The following CAPZB variants were observed in gnomAD, a reference collection of about 807,000 sequenced individuals.
CAPZB encodes the protein capping actin protein of muscle Z-line subunit beta.
Under a neutral mutation model 38.1 loss-of-function variants are expected in CAPZB, and 2 were observed. The ratio of observed to expected loss-of-function variants is 0.05; its 90% CI spans 0.02 to 0.17. The LOEUF is 0.17. CAPZB is among the 10% of genes least tolerant of loss of function. The pLI, the probability that CAPZB is intolerant of heterozygous loss-of-function variation, is 1.00. For synonymous variants in CAPZB, 107 were observed against 127.4 expected (o/e 0.84, Z 1.08); for missense variants, 161 against 334.2 (o/e 0.48, Z 4.04).
intron 4 of CAPZB, among the ~76,000 whole-genome samples, chr1:19,372,625 G>A (rs2094124847): frequency 6.6e-6 from 1 of 152,224 alleles, no homozygotes; most frequent in African/African-American, 2.4e-5. Context: ...TCTCTCCCAA[G>A]AAAGATCACT....
In CAPZB at chr1:19,409,544, C is replaced by T. The variant is rs370208777; in HGVS notation, c.93+10117G>A. 8.3e-4 allele frequency among the ~76,000 whole-genome samples: 126 copies of T among 152,286 alleles called. 1 individual carries two copies. The South Asian group carries it at 0.025, about 30-fold the overall frequency. On this transcript the variant is annotated intron_variant, in intron 2 of 8. Transcript: ENST00000264202. The stretch of plus-strand genomic sequence containing the variant: ...TTCTAACAAAGTATTCCTACTTCTC[C>T]TATTGATGGAGGCAATGCCATGTGG...
intron 6 of CAPZB, among the ~76,000 whole-genome samples, chr1:19,353,895 G>A (rs968658306): frequency 4.6e-5 from 7 of 152,340 alleles, no homozygotes; most frequent in African/African-American, 7.2e-5. Flanking sequence ...TCCTGCTTGC[G>A]GGGCCTGCTT....
intron 8 of CAPZB, among the ~76,000 whole-genome samples, chr1:19,343,573 G>A (rs1490816862): frequency 6.6e-6 from 1 of 152,234 alleles, no homozygotes; most frequent in Non-Finnish European, 1.5e-5. Flanking sequence ...AGGCCATGCA[G>A]CTCGGGATGA....
intron 8 of CAPZB, 128 bp from the exon 9 acceptor site, chr1:19,339,745 G>C: frequency 1.3e-6 from 1 of 762,712 alleles, no homozygotes; most frequent in Non-Finnish European, 2.4e-6. Context: ...TGAGGCTCTG[G>C]GTCACTGGGC....
At chr1:19,367,797 G>A (rs1415941604) in intron 4 of CAPZB, among the ~76,000 whole-genome samples, 2 of 152,216 alleles carry the variant, frequency 1.3e-5, no homozygotes, top group Non-Finnish European at 2.9e-5. Context: ...GCTTTTACGA[G>A]GCTTTTATTT....
intron 1 of CAPZB, among the ~76,000 whole-genome samples, chr1:19,459,614 T>C (rs563336626): frequency 2.0e-5 from 3 of 152,284 alleles, no homozygotes; most frequent in East Asian, 3.9e-4. Flanking sequence ...GGCCGGGCAC[T>C]GTGCTGGGAG....
At chr1:19,402,706 C>T (rs1373087150) in intron 2 of CAPZB, among the ~76,000 whole-genome samples, 1 of 95,566 alleles carries the variant, frequency 1.0e-5, no homozygotes, top group African/African-American at 3.1e-5. Flanking sequence ...GGGTGGGCCA[C>T]GGTGTCCTCT....
chr1:19,363,887 C>T (rs2094068308), intron 4 of CAPZB, among the ~76,000 whole-genome samples: 1 of 152,188 alleles, frequency 6.6e-6, no homozygotes, highest in African/African-American at 2.4e-5. Context: ...TGAGTACATG[C>T]CACATGCCAC....
At chr1:19,368,631 G>A (rs1446566277) in intron 4 of CAPZB, among the ~76,000 whole-genome samples, 2 of 151,482 alleles carry the variant, frequency 1.3e-5, no homozygotes, top group African/African-American at 4.9e-5. Context: ...TGAGGCAGCT[G>A]GGGCTGCTGG....
At chr1:19,405,743 T>C (rs2094328300) in intron 2 of CAPZB, among the ~76,000 whole-genome samples, 1 of 152,122 alleles carries the variant, frequency 6.6e-6, no homozygotes, top group South Asian at 2.1e-4. Flanking sequence ...TGGCTCCAAA[T>C]CTCTTTTCGG....
intron 1 of CAPZB, among the ~76,000 whole-genome samples, chr1:19,423,516 CTTT>C (rs11340496): frequency 8.5e-4 from 96 of 113,258 alleles, no homozygotes; most frequent in African/African-American, 3.0e-3. Context: ...AGTGAACATT[CTTT>C]TTTTTTTTTT....
intron 2 of CAPZB, among the ~76,000 whole-genome samples, chr1:19,401,981 T>A (rs1296125855): frequency 6.6e-6 from 1 of 152,190 alleles, no homozygotes; most frequent in Non-Finnish European, 1.5e-5. Flanking sequence ...TTTAAACCAG[T>A]AATTTAACTC....
chr1:19,420,591 G>GT (rs200955872), intron 1 of CAPZB, among the ~76,000 whole-genome samples: 3 of 129,516 alleles, frequency 2.3e-5, no homozygotes, highest in East Asian at 2.4e-4. Flanking sequence ...TAATTTTGTA[G>GT]TTTTTTTTGG....
chr1:19,458,807 AAGG>A (rs1361394793), intron 1 of CAPZB, among the ~76,000 whole-genome samples: 8 of 152,264 alleles, frequency 5.3e-5, no homozygotes, highest in African/African-American at 1.9e-4. Context: ...GTAATCCAAA[AAGG>A]AGAGAAATCC....
chr1:19,392,346 G>T (rs992738744), intron 2 of CAPZB, among the ~76,000 whole-genome samples: 1 of 151,886 alleles, frequency 6.6e-6, no homozygotes, highest in African/African-American at 2.4e-5. Context: ...AAAAATAACA[G>T]GGGCATCCCA....
intron 4 of CAPZB, among the ~76,000 whole-genome samples, chr1:19,363,647 G>C (rs1429571001): frequency 6.6e-6 from 1 of 151,630 alleles, no homozygotes; most frequent in East Asian, 1.9e-4. Flanking sequence ...AAGCTTTATG[G>C]AGTGTCTGAA....
intron 1 of CAPZB, among the ~76,000 whole-genome samples, chr1:19,441,896 C>A (rs1002758701): frequency 6.6e-6 from 1 of 150,990 alleles, no homozygotes; most frequent in African/African-American, 2.4e-5. Flanking sequence ...GTAATCCCAG[C>A]TACTTGGGAG....
intron 4 of CAPZB, among the ~76,000 whole-genome samples, chr1:19,365,095 C>T (rs1018874102): frequency 2.0e-5 from 3 of 152,288 alleles, no homozygotes; most frequent in African/African-American, 7.2e-5. Flanking sequence ...CTTCCCACCT[C>T]GGCCTCCCAA....
intron 3 of CAPZB, among the ~76,000 whole-genome samples, chr1:19,380,143 T>C (rs2094166261): frequency 6.6e-6 from 1 of 152,192 alleles, no homozygotes; most frequent in Admixed American, 6.5e-5. Flanking sequence ...CAGAATAAGC[T>C]GGGCGGCCTC....
Sources: allele counts gnomAD v4.1 joint callset (sites outside exome capture counted in the v4.1 genomes callset), GRCh38; gene constraint gnomAD v4.1.1; transcripts MANE v1.5; gene names NCBI Gene and HGNC (gene_info 2026-07-23, HGNC 2026-07-21).